The following TRPM5 variants were observed in gnomAD, a reference collection of about 807,000 sequenced individuals.
TRPM5 encodes the protein MLSN1 and TRP-related.
A neutral mutation model predicts 124.9 loss-of-function variants in TRPM5; 121 were observed. That is an observed-to-expected ratio of 0.97 (90% CI 0.84 to 1.13). The LOEUF (loss-of-function observed/expected upper bound fraction) is 1.13, where lower values mean the gene tolerates loss of function less well. Among genes scored for constraint, TRPM5 ranks in the 50% most tolerant of loss-of-function variants. The pLI is 0.00. For missense variants in TRPM5, 1,643 were observed against 1,589.1 expected (o/e 1.03, Z -0.58); for synonymous variants, 781 against 700.5 (o/e 1.11, Z -1.81).
Position 2,408,522 on chromosome 11 carries a change from A to G in TRPM5, c.2783-610T>C, listed in dbSNP as rs955320079. 2.0e-5 allele frequency among the ~76,000 whole-genome samples: 3 copies of G among 152,204 alleles called. No individual in the cohort carries two copies. The East Asian group carries it at 5.8e-4, about 29-fold the overall frequency. ...CACCGATCCCGCACTGGGCCACTCA[A>G]GTCAAGAACATTCTTCAGGCGGCAC... On this transcript the variant is annotated intron_variant, in intron 18 of 23. Coordinates refer to ENST00000155858, the Ensembl canonical transcript of TRPM5.
chr11:2,421,565 C>T (rs1845772853), intron 2 of TRPM5, among the ~76,000 whole-genome samples: 1 of 152,224 alleles, frequency 6.6e-6, no homozygotes, highest in Admixed American at 6.5e-5. Context: ...TGACAAAGCC[C>T]TCGGCCCTTG....
chr11:2,441,280 G>A, the TRPM5 span, among the ~76,000 whole-genome samples: 1 of 152,144 alleles, frequency 6.6e-6, no homozygotes, highest in African/African-American at 2.4e-5. The surrounding 1 kb of genome is among the most constrained non-coding windows in gnomAD (Gnocchi z 7.2). Flanking sequence ...ACAACCCTGC[G>A]GTCCTGCTCC....
intron 22 of TRPM5, 112 bp downstream of exon 27, chr11:2,405,907 C>T (rs1440221099): frequency 1.9e-5 from 20 of 1,029,626 alleles, no homozygotes; most frequent in Non-Finnish European, 2.6e-5. Flanking sequence ...CCTGTCCTGG[C>T]TCTGGCCTGC....
chr11:2,405,685 C>T (rs1242740539), intron 22 of TRPM5, 92 bp from the exon 28 acceptor site: 14 of 1,360,326 alleles, frequency 1.0e-5, no homozygotes, highest in Admixed American at 4.1e-5. Flanking sequence ...CCTGCCAGGG[C>T]CCCCGCTGCC....
intron 18 of TRPM5, among the ~76,000 whole-genome samples, chr11:2,409,152 T>C (rs1209166730): frequency 2.6e-5 from 4 of 152,096 alleles, no homozygotes; most frequent in African/African-American, 9.7e-5. Context: ...GTGTGAGTTA[T>C]TGAGTGTCTG....
exon 24 of TRPM5, chr11:2,404,879 C>G: frequency 1.4e-6 from 2 of 1,480,902 alleles, no homozygotes; most frequent in Non-Finnish European, 1.9e-6. Flanking sequence ...GGTCAGTGCA[C>G]AACGTGCAGG....
intron 8 of TRPM5, among the ~76,000 whole-genome samples, 196 bp from the exon 14 acceptor site, chr11:2,415,667 A>T (rs1363159554): frequency 1.3e-5 from 2 of 152,192 alleles, no homozygotes; most frequent in Non-Finnish European, 2.9e-5. Context: ...TCGTGAGCAA[A>T]TGCTGAGGGT....
At chr11:2,418,184 C>T (rs776079030) in exon 6 of TRPM5, 7 of 1,576,288 alleles carry the variant, frequency 4.4e-6, no homozygotes, top group South Asian at 2.3e-5. Context: ...GTCCAGCGCA[C>T]GATGTCCTCC....
the TRPM5 span, among the ~76,000 whole-genome samples, chr11:2,443,973 G>C: frequency 6.6e-6 from 1 of 152,194 alleles, no homozygotes; most frequent in Non-Finnish European, 1.5e-5. The surrounding 1 kb of genome is among the most constrained non-coding windows in gnomAD (Gnocchi z 5.0). Flanking sequence ...TCTCGACGGT[G>C]GGGAGGACAA....
chr11:2,417,710 A>AC lies in TRPM5; in HGVS notation c.1009+16dup. The AC allele has an allele frequency of 7.4e-5, 25 of 335,764 alleles. No individual in the cohort carries two copies. Among genetic ancestry groups the AC allele is most frequent in the South Asian group, 2.6e-4 (9 of 35,210 alleles). 20.8% of individuals were successfully genotyped at this position (335,764 alleles called of 1,614,324 possible). A position where few individuals can be genotyped will look rare whatever the true frequency, so the allele number is the denominator to read the frequency against. On this transcript the variant is annotated intron_variant, in intron 7 of 23. Coordinates refer to ENST00000155858, the Ensembl canonical transcript of TRPM5. ...CCCCCCAATGGCGCCTGCCTTGCCC[A>AC]CCCTGCCCGCCCTCACCTTTCACCA... is the stretch of plus-strand genomic sequence containing the variant.
intron 18 of TRPM5, among the ~76,000 whole-genome samples, 156 bp downstream of exon 23, chr11:2,411,196 G>A (rs543958234): frequency 2.0e-5 from 3 of 152,314 alleles, no homozygotes; most frequent in African/African-American, 2.4e-5. Flanking sequence ...GGTGTGGGGG[G>A]CCTGGGGACC....
exon 8 of TRPM5, chr11:2,415,989 G>T (rs1235104496): frequency 6.3e-7 from 1 of 1,589,190 alleles, no homozygotes. Context: ...AGCTCATCCA[G>T]ATAGTCCTGA....
At chr11:2,423,480 C>G (rs866187396), upstream of TRPM5, among the ~76,000 whole-genome samples, 71 of 152,260 alleles carry the variant, frequency 4.7e-4, no homozygotes, top group African/African-American at 1.6e-3. Flanking sequence ...GCTCCCAGGA[C>G]AGGGATGTGG....
exon 9 of TRPM5, chr11:2,415,342 G>A (rs150569133): frequency 4.3e-5 from 68 of 1,585,530 alleles, no homozygotes; most frequent in African/African-American, 4.2e-4. Flanking sequence ...GACACGGAGC[G>A]GTAGAGCTCC....
the TRPM5 span, among the ~76,000 whole-genome samples, chr11:2,431,785 G>A: frequency 3.3e-5 from 5 of 151,928 alleles, no homozygotes; most frequent in Non-Finnish European, 5.9e-5. Context: ...TGCCTCCCTC[G>A]GTCTCTTCCC....
At chr11:2,405,633 C>G (rs1297600874) in intron 22 of TRPM5, 40 bp from the exon 28 acceptor site, 3 of 1,548,570 alleles carry the variant, frequency 1.9e-6, no homozygotes, top group Non-Finnish European at 8.7e-7. Context: ...CCAGGGCTCT[C>G]TCAGGACAGC....
chr11:2,417,981 A>G, intron 6 of TRPM5, 152 bp from the exon 12 acceptor site: 1 of 982,912 alleles, frequency 1.0e-6, no homozygotes, highest in Non-Finnish European at 1.5e-6. Context: ...GCCTGGGACC[A>G]CCCGCAGACC....
chr11:2,421,590 C>A (rs1845773256), intron 2 of TRPM5, among the ~76,000 whole-genome samples: 1 of 152,234 alleles, frequency 6.6e-6, no homozygotes, highest in Non-Finnish European at 1.5e-5. Context: ...GCTGGAAGAT[C>A]TCTTTGGGTT....
chr11:2,413,540 T>G (rs148699045), exon 13 of TRPM5: 4 of 1,612,370 alleles, frequency 2.5e-6, no homozygotes, highest in Non-Finnish European at 1.7e-6. Flanking sequence ...AGCCGCAGGA[T>G]GGGCGTGCCT....
Sources: gnomAD v4.1 joint callset for allele counts (sites outside exome capture counted in the v4.1 genomes callset) on GRCh38, gnomAD v4.1.1 for gene constraint, Gnocchi (gnomAD v3.1) non-coding constraint, MANE v1.5 for transcripts, NCBI Gene and HGNC (gene_info 2026-07-23, HGNC 2026-07-21) for gene names.